KDM7A: variants seen among roughly 807,000 people sequenced by gnomAD.
The protein encoded by KDM7A is lysine demethylase 7A, also known as lysine-specific demethylase 7A.
Under a neutral mutation model 114.8 loss-of-function variants are expected in KDM7A, and 28 were observed. That is an observed-to-expected ratio of 0.24 (90% CI 0.18 to 0.33). KDM7A has a LOEUF of 0.33. KDM7A is among the 10% of genes least tolerant of loss of function. The probability of loss-of-function intolerance (pLI) is 1.00; values close to 1 mark genes in which losing one functional copy is unlikely to be tolerated. For synonymous variants in KDM7A, 423 were observed against 397.8 expected (o/e 1.06, Z -0.75); for missense variants, 942 against 1,142.5 (o/e 0.82, Z 2.53).
chr7:140,149,091 G>A (rs575725978), intron 1 of KDM7A, among the ~76,000 whole-genome samples: 1 of 152,094 alleles, frequency 6.6e-6, no homozygotes, highest in Non-Finnish European at 1.5e-5. Flanking sequence ...CTGATTAAAA[G>A]AATCTATGAT....
chr7:140,114,836 G>A (rs937726493), intron 9 of KDM7A, among the ~76,000 whole-genome samples: 1 of 150,614 alleles, frequency 6.6e-6, no homozygotes, highest in African/African-American at 2.4e-5. Context: ...TCTGGGAGGT[G>A]AGGAGCCCCT....
chr7:140,099,260 T>C (rs1374883798), intron 13 of KDM7A, among the ~76,000 whole-genome samples: 1 of 152,178 alleles, frequency 6.6e-6, no homozygotes. Flanking sequence ...AGTGGCACAA[T>C]CATAGCTCAC....
intron 17 of KDM7A, among the ~76,000 whole-genome samples, chr7:140,094,398 G>A (rs137902438): frequency 0.01 from 1,591 of 152,208 alleles, 21 homozygotes; most frequent in African/African-American, 0.037. Flanking sequence ...TCAGCTACTT[G>A]GGAGGCCGAG....
At chr7:140,103,262 A>G (rs1049822232) in intron 11 of KDM7A, among the ~76,000 whole-genome samples, 2 of 151,918 alleles carry the variant, frequency 1.3e-5, no homozygotes, top group African/African-American at 4.8e-5. Flanking sequence ...ACTTAGCAAA[A>G]TATCTTCAAG....
At chr7:140,106,080 G>A (rs921589367) in intron 11 of KDM7A, among the ~76,000 whole-genome samples, 2 of 152,162 alleles carry the variant, frequency 1.3e-5, no homozygotes, top group African/African-American at 4.8e-5. Flanking sequence ...TTTGCACAGA[G>A]GTGTTTATAG....
At chr7:140,153,286 G>C (rs917900814) in intron 1 of KDM7A, among the ~76,000 whole-genome samples, 4 of 151,606 alleles carry the variant, frequency 2.6e-5, no homozygotes, top group Non-Finnish European at 4.4e-5. Flanking sequence ...AGGAGATTGA[G>C]ACCATCCTGG....
chr7:140,111,062 ATCAAGCAT>A (rs1437882944), intron 11 of KDM7A, 25 bp downstream of exon 11: 1 of 1,183,868 alleles, frequency 8.4e-7, no homozygotes, highest in South Asian at 1.3e-5. Context: ...GCAGATAATA[ATCAAGCAT>A]TTACATGACA....
intron 1 of KDM7A, among the ~76,000 whole-genome samples, chr7:140,162,337 C>CAA (rs57973867): frequency 7.5e-6 from 1 of 133,296 alleles, no homozygotes; most frequent in African/African-American, 2.8e-5. Context: ...CTCAGTCTCC[C>CAA]AAAAAAAAAA....
At chr7:140,152,356 G>A (rs1176913077) in intron 1 of KDM7A, among the ~76,000 whole-genome samples, 1 of 152,144 alleles carries the variant, frequency 6.6e-6, no homozygotes, top group Non-Finnish European at 1.5e-5. Context: ...CAGAAGTGGT[G>A]GCCCACACCT....
chr7:140,086,260 G>A lies in KDM7A; in HGVS notation c.*4834C>T, dbSNP rs1031731957. ...TGGAAGAATCACTGAATACAGTTTCGAAAGGTTTTAACAACAAAATGTAAT... is the reference window on the plus strand; with the variant it reads ...TGGAAGAATCACTGAATACAGTTTCAAAAGGTTTTAACAACAAAATGTAAT... On this transcript the variant is annotated 3_prime_UTR_variant, in exon 20 of 20. Coordinates refer to ENST00000397560, the MANE Select transcript of KDM7A (RefSeq NM_030647.2). 8 of 152,254 alleles carry A rather than the reference G, an allele frequency of 5.3e-5. No homozygotes were observed. The highest frequency in any genetic ancestry group is 3.9e-4 in the East Asian group (2 of 5,186). The allele number at this position is 152,254 out of a possible 1,614,324, so 9.4% of individuals were successfully genotyped here.
rs1817937734 is a variant in KDM7A, at chr7:140,086,947, G to C, written c.*4147C>G. The C allele has an allele frequency of 6.6e-6, 1 of 152,156 alleles. No homozygotes were observed. Among genetic ancestry groups the C allele is most frequent in the African/African-American group, 2.4e-5 (1 of 41,424 alleles). The allele number at this position is 152,156 out of a possible 1,614,324, so 9.4% of individuals were successfully genotyped here. ...AATGAATTTTTGATAATTATGCCTA[G>C]CAGTAGCATACTGGGTCACATGATA... is the stretch of plus-strand genomic sequence containing the variant. On this transcript the variant is annotated 3_prime_UTR_variant, in exon 20 of 20. Transcript: ENST00000397560.
intron 10 of KDM7A, 45 bp from the exon 11 acceptor site, chr7:140,111,229 C>G (rs1412919709): frequency 7.8e-7 from 1 of 1,286,590 alleles, no homozygotes. Context: ...GTTATTTACA[C>G]TTTAATATGT....
intron 18 of KDM7A, among the ~76,000 whole-genome samples, chr7:140,092,817 A>G (rs1818043706): frequency 2.0e-5 from 3 of 152,266 alleles, no homozygotes; most frequent in Admixed American, 1.3e-4. Context: ...GATTTAAATA[A>G]TAGCTCAAAT....
intron 1 of KDM7A, among the ~76,000 whole-genome samples, chr7:140,150,627 A>G (rs1794389082): frequency 6.6e-6 from 1 of 152,234 alleles, no homozygotes; most frequent in South Asian, 2.1e-4. Context: ...AGAAATTGGT[A>G]ACAGCAGTTG....
At chr7:140,103,900 T>A (rs535007533) in intron 11 of KDM7A, among the ~76,000 whole-genome samples, 1 of 152,226 alleles carries the variant, frequency 6.6e-6, no homozygotes, top group East Asian at 1.9e-4. Context: ...ACTTCCACAA[T>A]GGTTGAACTA....
Position 140,099,923 on chromosome 7 carries a change from A to C in KDM7A, c.1739T>G (p.Leu580Arg). The change falls in exon 13 of 20, where the codon CTG (leucine) becomes CGG (arginine). Residue 580 changes from leucine (L) to arginine (R), a missense_variant. Physicochemically the swap from Leu to Arg is moderately radical, Grantham distance 102. Coordinates refer to ENST00000397560, the MANE Select transcript of KDM7A (RefSeq NM_030647.2). The stretch of plus-strand genomic sequence containing the variant: ...CTTAATTATTCTTCCATTTGTCAGC[A>C]GTAATCGTAGATCATTATCTTTCGC... ...WRAKDNDLRL[L>R]LTNGRIIKDE... is the part of the protein sequence containing the mutation. 6.2e-7 allele frequency: 1 copy of C among 1,611,168 alleles called. No homozygotes were observed. Among genetic ancestry groups the C allele is most frequent in the Non-Finnish European group, 8.5e-7 (1 of 1,177,218 alleles).
chr7:140,133,567 T>C lies in KDM7A; in HGVS notation c.370A>G (p.Lys124Glu). ...PVQAGTRTFI[K>E]ELRSRVFPSA... ...GGGAAGACTCGAGAGCGTAATTCCT[T>C]AATGAAAGTTCTAGTTCCAGCTTGC... Residue 124 changes from lysine (K) to glutamate (E), a missense_variant, in exon 3 of 20, where the codon AAG (lysine) becomes GAG (glutamate). Transcript: ENST00000397560. 1 of 1,607,388 alleles carries C rather than the reference T, an allele frequency of 6.2e-7. No homozygotes were observed. The highest frequency in any genetic ancestry group is 1.3e-5 in the African/African-American group (1 of 74,914).
rs565596535 is a variant in KDM7A at position 140,136,890 on chromosome 7, G to A, written c.280+2215C>T. 1.1e-4 allele frequency among the ~76,000 whole-genome samples: 16 copies of A among 152,286 alleles called. No individual in the cohort carries two copies. The East Asian group carries it at 1.5e-3, about 15-fold the overall frequency. On this transcript the variant is annotated intron_variant, in intron 2 of 19. Transcript: ENST00000397560. Reference sequence around the variant, plus strand: ...TAATCCCAGCTACTCAGGAGGCTGAGGCAGGAGAATTGCTTGAACCTGTGA... The same window carrying A: ...TAATCCCAGCTACTCAGGAGGCTGAAGCAGGAGAATTGCTTGAACCTGTGA...
At chr7:140,121,806 T>C (rs1011581630) in intron 7 of KDM7A, among the ~76,000 whole-genome samples, 3 of 152,150 alleles carry the variant, frequency 2.0e-5, no homozygotes, top group Non-Finnish European at 4.4e-5. Context: ...TATATTATTA[T>C]ATATATCTGT....
Sources: gnomAD v4.1 joint callset for allele counts (sites outside exome capture counted in the v4.1 genomes callset) on GRCh38, gnomAD v4.1.1 for gene constraint, MANE v1.5 for transcripts, NCBI Gene and HGNC (gene_info 2026-07-23, HGNC 2026-07-21) for gene names.